CD7: variants seen among roughly 807,000 people sequenced by gnomAD.
The protein encoded by CD7 is CD7 molecule.
CD7 carries 19 observed loss-of-function variants against 17.6 expected under a neutral mutation model. That is an observed-to-expected ratio of 1.08 (90% confidence interval 0.75 to 1.58). The LOEUF is 1.58. Among genes scored for constraint, CD7 ranks in the 40% most tolerant of loss-of-function variants. The probability of loss-of-function intolerance (pLI) is 0.00; values close to 1 mark genes in which losing one functional copy is unlikely to be tolerated. For missense variants in CD7, 291 were observed against 327.1 expected (o/e 0.89, Z 0.85); for synonymous variants, 160 against 159.8 (o/e 1.00, Z -0.01).
rs770256884 is a variant in CD7 at position 82,317,461 on chromosome 17, A to G, written c.35T>C (p.Leu12Pro). 7 of 1,575,504 alleles carry G rather than the reference A, an allele frequency of 4.4e-6. No individual in the cohort carries two copies. Among genetic ancestry groups the G allele is most frequent in the Non-Finnish European group, 6.0e-6 (7 of 1,161,186 alleles). Residue 12 changes from leucine (L) to proline (P), a missense_variant, in exon 1 of 4, where the codon CTG becomes CCG. Coordinates refer to ENST00000312648, the MANE Select transcript of CD7 (RefSeq NM_006137.7). ...CAGGCCGCGAGCCAGCGCCAGAAGC[A>G]GGGGCAGCAGCAGGAGCCTCGGAGG... ...AGPPRLLLLP[L>P]LLALARGLPG... is the part of the protein sequence containing the mutation.
intron 3 of CD7, 42 bp downstream of exon 3, chr17:82,316,153 A>G: frequency 6.5e-7 from 1 of 1,533,194 alleles, no homozygotes; most frequent in East Asian, 2.5e-5. Flanking sequence ...AGGAGAGGGA[A>G]CAATCTTTGG....
intron 3 of CD7, 162 bp downstream of exon 3, chr17:82,316,033 C>T (rs1433852448): frequency 1.2e-5 from 10 of 801,358 alleles, no homozygotes; most frequent in African/African-American, 6.9e-5. Context: ...TGCTGGTCCC[C>T]CTCCCTCCCC....
At chr17:82,316,152 A>T in intron 3 of CD7, 43 bp downstream of exon 3, 1 of 1,536,272 alleles carries the variant, frequency 6.5e-7, no homozygotes, top group African/African-American at 1.4e-5. Flanking sequence ...CAGGAGAGGG[A>T]ACAATCTTTG....
intron 1 of CD7, 76 bp from the exon 2 acceptor site, chr17:82,317,057 G>T: frequency 7.5e-7 from 1 of 1,324,822 alleles, no homozygotes; most frequent in Non-Finnish European, 1.0e-6. Context: ...GGACAGTGGT[G>T]GGGATGGTGG....
At chr17:82,317,295 C>T in intron 1 of CD7, 119 bp downstream of exon 1, 1 of 1,003,100 alleles carries the variant, frequency 1.0e-6, no homozygotes, top group Non-Finnish European at 1.5e-6. Flanking sequence ...ACACTGGAGG[C>T]CGCTCAGCAC....
chr17:82,315,905 C>T (rs1426507305), intron 3 of CD7: 1 of 605,378 alleles, frequency 1.7e-6, no homozygotes, highest in African/African-American at 1.9e-5. Context: ...CCCGCACACT[C>T]CAACCTGCAC....
At chr17:82,315,938 C>T (rs2052007880) in intron 3 of CD7, 1 of 619,924 alleles carries the variant, frequency 1.6e-6, no homozygotes, top group Non-Finnish European at 2.8e-6. Flanking sequence ...GAGATCCCCC[C>T]TCAGACACTC....
Position 82,315,147 on chromosome 17 carries a change from T to C in CD7, c.*174A>G. 1 of 571,580 alleles carries C rather than the reference T, an allele frequency of 1.7e-6. No homozygotes were observed. Among genetic ancestry groups the C allele is most frequent in the Non-Finnish European group, 3.2e-6 (1 of 314,626 alleles). The allele number at this position is 571,580 out of a possible 1,614,324, so 35.4% of individuals were successfully genotyped here. ...CATCATTGTCCACTGAGAAGCACCG[T>C]GGGGCCTGGCCACTGCCTGTGTGTC... On this transcript the variant is annotated 3_prime_UTR_variant, in exon 4 of 4. Transcript: ENST00000312648.
At chr17:82,316,545 G>A (rs1300092345) in intron 2 of CD7, 122 bp downstream of exon 2, 1 of 1,294,338 alleles carries the variant, frequency 7.7e-7, no homozygotes, top group Non-Finnish European at 1.1e-6. Context: ...GGGGCAGTGG[G>A]CTGGGAGCTG....
chr17:82,317,153 G>T, intron 1 of CD7, 172 bp from the exon 2 acceptor site: 1 of 676,504 alleles, frequency 1.5e-6, no homozygotes, highest in Non-Finnish European at 2.5e-6. Flanking sequence ...CGGCTGTGGT[G>T]TTGGGGGAGG....
chr17:82,315,742 CTG>C, intron 3 of CD7: 1 of 549,628 alleles, frequency 1.8e-6, no homozygotes, highest in East Asian at 3.1e-5. Flanking sequence ...CGCCTAGACT[CTG>C]TGTCTGTCTG....
In CD7 at chr17:82,316,262, G is replaced by A. The variant is rs1381998558; in HGVS notation, c.545C>T (p.Ala182Val). Residue 182 changes from alanine (A) to valine (V), a missense_variant, in exon 3 of 4, where the codon GCC becomes GTC. Physicochemically the swap from Ala to Val is moderately conservative, Grantham distance 64. Transcript: ENST00000312648. ...GAGGAGGAAGGAGATCACCGCCAGGGCCGCAGGGAGGGCAGAGGCTGCTGG... is the reference window on the plus strand; with the variant it reads ...GAGGAGGAAGGAGATCACCGCCAGGACCGCAGGGAGGGCAGAGGCTGCTGG... ...DPPAASALPA[A>V]LAVISFLLGL... The A allele has an allele frequency of 1.0e-5, 16 of 1,576,194 alleles. No individual in the cohort carries two copies. Among genetic ancestry groups the A allele is most frequent in the Non-Finnish European group, 1.4e-5 (16 of 1,160,138 alleles).
Position 82,317,528 on chromosome 17 carries a change from G to A in CD7, c.-33C>T, listed in dbSNP as rs1015956533. ...ACACCCAGCTCTCCCAGCCGGGCGA[G>A]TGCAGCTGAGCCTCTCTGGGTCTAC... On this transcript the variant is annotated 5_prime_UTR_variant, in exon 1 of 4. Transcript: ENST00000312648. 6.5e-7 allele frequency: 1 copy of A among 1,533,812 alleles called. No homozygotes were observed. The highest frequency in any genetic ancestry group is 1.4e-5 in the African/African-American group (1 of 72,986).
chr17:82,315,674 C>T, intron 3 of CD7: 1 of 551,780 alleles, frequency 1.8e-6, no homozygotes, highest in Non-Finnish European at 3.3e-6. Context: ...CAAGCCCAAG[C>T]CAAGCGGGAC....
At position 82,316,310 on chromosome 17, in the gene CD7, GT is replaced by G. The variant is rs774609744; in HGVS notation, c.496del (p.Thr166GlnfsTer20). 3.4e-5 allele frequency: 53 copies of G among 1,571,484 alleles called. No homozygotes were observed. Among genetic ancestry groups the G allele is most frequent in the African/African-American group, 2.4e-4 (18 of 74,046 alleles). On this transcript the variant is annotated frameshift_variant, in exon 3 of 4. Coordinates refer to ENST00000312648, the MANE Select transcript of CD7 (RefSeq NM_006137.7). LOFTEE classifies it high-confidence loss of function. ...TGGCGGGTCAGGGAGGGCAGAGGCT[GT>G]CTGCGGGTCAGGGAGGGCGGAGCCT... ...PTGSALPDPQ[T>X]ASALPDPPAA...
intron 2 of CD7, 21 bp from the exon 3 acceptor site, chr17:82,316,430 A>G: frequency 6.5e-7 from 1 of 1,537,036 alleles, no homozygotes. Context: ...AAAAAGAAGG[A>G]AGGGATTCTC....
intron 1 of CD7, 125 bp downstream of exon 1, chr17:82,317,289 T>G (rs2052026596): frequency 1.0e-6 from 1 of 960,432 alleles, no homozygotes; most frequent in Non-Finnish European, 1.6e-6. Flanking sequence ...CCTCAGACAC[T>G]GGAGGCCGCT....
intron 2 of CD7, 29 bp downstream of exon 2, chr17:82,316,638 G>C: frequency 5.6e-6 from 9 of 1,597,700 alleles, no homozygotes; most frequent in Non-Finnish European, 6.8e-6. Flanking sequence ...GGGGTTGGGA[G>C]GGGGGTCTGG....
rs755524912 is a variant in CD7 at position 82,315,396 on chromosome 17, C to T, written c.648G>A (p.Ser216=). 8 of 1,613,290 alleles carry T rather than the reference C, an allele frequency of 5.0e-6. No individual in the cohort carries two copies. The East Asian group carries it at 6.7e-5, about 13-fold the overall frequency. Residue 216 remains serine, a synonymous_variant, in exon 4 of 4, where the codon TCG becomes TCA. Coordinates refer to ENST00000312648, the MANE Select transcript of CD7 (RefSeq NM_006137.7). ...TGTCCTCGTACACCACACATGCCGC[C>T]GAATTCTTATCCCGCCACGAGCACA... The part of the protein sequence containing the change: ...KKLCSWRDKN[S]AACVVYEDMS...
Sources: gnomAD v4.1 joint callset for allele counts on GRCh38, gnomAD v4.1.1 for gene constraint, MANE v1.5 for transcripts, NCBI Gene and HGNC (gene_info 2026-07-23, HGNC 2026-07-21) for gene names.